Variants in RANBP2 observed in about 807,000 individuals in gnomAD.
The protein encoded by RANBP2 is RAN binding protein 2, also known as E3 SUMO-protein ligase RanBP2.
In RANBP2, 57 loss-of-function variants were observed where a neutral mutation model predicts 303.6. The observed-to-expected ratio is 0.19, with a 90% CI of 0.15 to 0.23. The LOEUF is 0.23. Ranked by LOEUF, RANBP2 falls within the 10% of genes least tolerant of loss-of-function variation. The pLI, the probability that RANBP2 is intolerant of heterozygous loss-of-function variation, is 1.00. For synonymous variants in RANBP2, 1,167 were observed against 1,301.5 expected, an observed-to-expected ratio of 0.90 and a Z score of 2.23; for missense variants, 3,138 against 3,780.8, an observed-to-expected ratio of 0.83 and a Z score of 4.46.
the RANBP2 span, among the ~76,000 whole-genome samples, chr2:109,285,453 C>T: frequency 9.8e-5 from 15 of 152,296 alleles, no homozygotes; most frequent in South Asian, 2.9e-3. Context: ...CCTGCTGTGC[C>T]GTGCGTTTTT....
At chr2:109,098,322 T>C in the RANBP2 span, among the ~76,000 whole-genome samples, 1 of 152,208 alleles carries the variant, frequency 6.6e-6, no homozygotes, top group Admixed American at 6.5e-5. Context: ...AAGCTCCATA[T>C]CACCAAACCC....
chr2:109,290,641 G>A, the RANBP2 span, among the ~76,000 whole-genome samples: 4 of 152,110 alleles, frequency 2.6e-5, no homozygotes, highest in South Asian at 4.1e-4. Context: ...CAACTCAGAC[G>A]CCCTCCCTCC....
the RANBP2 span, among the ~76,000 whole-genome samples, chr2:108,821,876 T>C: frequency 7.0e-6 from 1 of 142,230 alleles, no homozygotes; most frequent in Non-Finnish European, 1.5e-5. Context: ...ACCCAGGAGG[T>C]GAGATTGTGC....
rs753385182 is a variant in RANBP2, at chr2:108,749,080, C to T, written c.1224C>T (p.Asn408=). 1 of 1,611,906 alleles carries T rather than the reference C, an allele frequency of 6.2e-7. No homozygotes were observed. The highest frequency in any genetic ancestry group is 1.3e-5 in the African/African-American group (1 of 74,932). The change falls in exon 9 of 29, where the codon AAC becomes AAT. Residue 408 remains asparagine (N), a synonymous_variant. Coordinates refer to ENST00000283195, the MANE Select transcript of RANBP2 (RefSeq NM_006267.5). ...TSFLGSDDIG[N]IDVREPELED... ...TTCTTGGTAGCGATGATATTGGAAACATTGATGTACGAGAACCAGAGCTTG... is the reference window on the plus strand; with the variant it reads ...TTCTTGGTAGCGATGATATTGGAAATATTGATGTACGAGAACCAGAGCTTG...
chr2:109,526,198 C>T, the RANBP2 span, among the ~76,000 whole-genome samples: 1 of 152,192 alleles, frequency 6.6e-6, no homozygotes, highest in Admixed American at 6.5e-5. Context: ...CCTCTGAGAC[C>T]TCAAATTCGA....
the RANBP2 span, among the ~76,000 whole-genome samples, chr2:109,422,443 G>T: frequency 6.6e-6 from 1 of 152,204 alleles, no homozygotes; most frequent in African/African-American, 2.4e-5. Flanking sequence ...GGATGTTCTT[G>T]CCCCTTCTTC....
chr2:109,517,866 G>A, the RANBP2 span, among the ~76,000 whole-genome samples: 1 of 152,230 alleles, frequency 6.6e-6, no homozygotes, highest in Non-Finnish European at 1.5e-5. Context: ...CCTAGATAAC[G>A]ACGCCCGAGG....
the RANBP2 span, among the ~76,000 whole-genome samples, chr2:109,087,370 C>G: frequency 2.0e-5 from 3 of 152,168 alleles, no homozygotes; most frequent in Non-Finnish European, 2.9e-5. Context: ...TAGGGATCTC[C>G]TGGCCCCTCC....
chr2:109,029,799 T>G, the RANBP2 span, among the ~76,000 whole-genome samples: 1 of 152,200 alleles, frequency 6.6e-6, no homozygotes, highest in Non-Finnish European at 1.5e-5. Context: ...GCCAGCAACT[T>G]AAGCCTAATC....
the RANBP2 span, among the ~76,000 whole-genome samples, chr2:109,563,651 G>A: frequency 8.5e-5 from 13 of 152,154 alleles, no homozygotes. Flanking sequence ...ACTGAGCAAG[G>A]AAGGGTTCAG....
the RANBP2 span, among the ~76,000 whole-genome samples, chr2:109,558,211 T>C: frequency 6.6e-6 from 1 of 152,212 alleles, no homozygotes; most frequent in Non-Finnish European, 1.5e-5. Context: ...AGAAAAGTCC[T>C]TTCCTTCAAT....
the RANBP2 span, among the ~76,000 whole-genome samples, chr2:109,271,714 A>G: frequency 6.6e-6 from 1 of 152,212 alleles, no homozygotes; most frequent in Non-Finnish European, 1.5e-5. Context: ...CCCTCTGCCA[A>G]TTCACTGCCT....
chr2:109,160,862 C>A, the RANBP2 span, among the ~76,000 whole-genome samples: 1 of 152,130 alleles, frequency 6.6e-6, no homozygotes, highest in Non-Finnish European at 1.5e-5. Flanking sequence ...CCAGGAGAGG[C>A]TGCAAGGCTG....
the RANBP2 span, among the ~76,000 whole-genome samples, chr2:109,468,466 C>T: frequency 6.6e-6 from 1 of 152,158 alleles, no homozygotes; most frequent in Non-Finnish European, 1.5e-5. Flanking sequence ...ACACATCATG[C>T]TGCTTGGTCC....
chr2:108,775,467 T>G (rs191580673), intron 23 of RANBP2, among the ~76,000 whole-genome samples: 179 of 152,312 alleles, frequency 1.2e-3, no homozygotes, highest in African/African-American at 4.2e-3. Context: ...AAACTCCGTG[T>G]GGATCTTAAC....
At chr2:109,382,757 G>A in the RANBP2 span, among the ~76,000 whole-genome samples, 1 of 152,198 alleles carries the variant, frequency 6.6e-6, no homozygotes, top group African/African-American at 2.4e-5. Context: ...TCCAGGGCCC[G>A]CAGCTGATGA....
chr2:108,923,017 G>A, the RANBP2 span, among the ~76,000 whole-genome samples: 5 of 152,296 alleles, frequency 3.3e-5, no homozygotes, highest in African/African-American at 1.2e-4. Flanking sequence ...GTAGTACTTT[G>A]CCTCTGTGAT....
At chr2:109,484,308 C>G in the RANBP2 span, among the ~76,000 whole-genome samples, 3 of 152,226 alleles carry the variant, frequency 2.0e-5, no homozygotes, top group South Asian at 2.1e-4. Context: ...CTGAGGTGAT[C>G]CGTCCACCTT....
the RANBP2 span, among the ~76,000 whole-genome samples, chr2:109,200,867 C>CA: frequency 1.7e-4 from 26 of 152,354 alleles, no homozygotes; most frequent in East Asian, 2.5e-3. Flanking sequence ...CTCAGCCTGT[C>CA]ATGGGGTTTC....
Sources: allele counts gnomAD v4.1 joint callset (sites outside exome capture counted in the v4.1 genomes callset), GRCh38; gene constraint gnomAD v4.1.1; transcripts MANE v1.5; gene names NCBI Gene and HGNC (gene_info 2026-07-23, HGNC 2026-07-21).